LINGO2: variants seen among roughly 807,000 people sequenced by gnomAD.
LINGO2 encodes the protein leucine rich repeat and Ig domain containing 2.
Under a neutral mutation model 30.6 loss-of-function variants are expected in LINGO2, and 14 were observed. The ratio of observed to expected loss-of-function variants is 0.46; its 90% CI spans 0.30 to 0.72. LINGO2 has a LOEUF of 0.72. Among genes scored for constraint, LINGO2 ranks in the 30% least tolerant of loss-of-function variants. LINGO2 has a pLI of 0.07. For synonymous variants in LINGO2, 317 were observed against 288.5 expected, an observed-to-expected ratio of 1.10 and a Z score of -1.00; for missense variants, 729 against 751.7, an observed-to-expected ratio of 0.97 and a Z score of 0.35.
chr9:28,109,948 G>C (rs559301367), intron 4 of LINGO2, among the ~76,000 whole-genome samples: 5 of 152,034 alleles, frequency 3.3e-5, no homozygotes, highest in Non-Finnish European at 7.4e-5. Context: ...ACAATTCTAA[G>C]CATAAAGAAC....
intron 4 of LINGO2, among the ~76,000 whole-genome samples, chr9:28,139,087 C>G (rs1209991863): frequency 2.0e-5 from 3 of 152,154 alleles, no homozygotes; most frequent in Non-Finnish European, 4.4e-5. Flanking sequence ...TATCAAAAAA[C>G]TTAGAGCAGT....
At chr9:28,001,846 G>A (rs1306677463) in intron 5 of LINGO2, among the ~76,000 whole-genome samples, 2 of 152,146 alleles carry the variant, frequency 1.3e-5, no homozygotes, top group Non-Finnish European at 1.5e-5. Context: ...CAACTTCTGT[G>A]ATGCTCTAAG....
intron 2 of LINGO2, among the ~76,000 whole-genome samples, chr9:28,472,565 C>A (rs1311884167): frequency 2.0e-5 from 3 of 152,004 alleles, no homozygotes; most frequent in African/African-American, 7.2e-5. Context: ...TACAAAAAAT[C>A]GTAGACCACA....
chr9:27,963,849 C>T (rs1318434455), intron 5 of LINGO2, among the ~76,000 whole-genome samples: 2 of 151,876 alleles, frequency 1.3e-5, no homozygotes, highest in South Asian at 2.1e-4. Context: ...ATCCTGGACT[C>T]CATGAAATCA....
At chr9:28,613,420 A>G (rs1826001737) in intron 1 of LINGO2, among the ~76,000 whole-genome samples, 2 of 151,986 alleles carry the variant, frequency 1.3e-5, no homozygotes, top group African/African-American at 4.8e-5. Flanking sequence ...ATAGGTACAT[A>G]TACTACATAT....
chr9:28,644,039 G>T (rs1296549477), intron 1 of LINGO2, among the ~76,000 whole-genome samples: 1 of 152,074 alleles, frequency 6.6e-6, no homozygotes, highest in Non-Finnish European at 1.5e-5. Flanking sequence ...AATAACAAAT[G>T]CTGATGAGGA....
chr9:28,407,607 G>C (rs1564180133), intron 2 of LINGO2, among the ~76,000 whole-genome samples: 1 of 152,124 alleles, frequency 6.6e-6, no homozygotes, highest in African/African-American at 2.4e-5. Context: ...ATTTTCCTAA[G>C]GGTTTCTGCT....
the LINGO2 span, among the ~76,000 whole-genome samples, chr9:29,019,328 C>T: frequency 6.6e-6 from 1 of 152,128 alleles, no homozygotes; most frequent in Non-Finnish European, 1.5e-5. Context: ...TGCAGCCACA[C>T]ATATGTTATA....
Position 28,329,445 on chromosome 9 carries a change from G to A in LINGO2, c.-245-34079C>T, listed in dbSNP as rs530594308. 5.3e-5 allele frequency among the ~76,000 whole-genome samples: 8 copies of A among 151,892 alleles called. No individual in the cohort carries two copies. Among genetic ancestry groups the A allele is most frequent in the Admixed American group, 1.3e-4 (2 of 15,226 alleles). On this transcript the variant is annotated intron_variant, in intron 3 of 5. Coordinates refer to ENST00000379992, the Ensembl canonical transcript of LINGO2. This position sits in a 1 kb window ranked among gnomAD's most constrained non-coding sequence, Gnocchi z 4.5. The stretch of plus-strand genomic sequence containing the variant: ...GGGGCACACACCACGCTGTCTCTTC[G>A]GCCAAGTCATTATTTCTTGTCATGT...
At chr9:28,362,947 T>G (rs1441595441) in intron 3 of LINGO2, among the ~76,000 whole-genome samples, 6 of 152,306 alleles carry the variant, frequency 3.9e-5, no homozygotes, top group African/African-American at 1.4e-4. Context: ...AGTAAGAACT[T>G]AAGGGAACTG....
chr9:28,717,459 G>A, the LINGO2 span, among the ~76,000 whole-genome samples: 41 of 152,080 alleles, frequency 2.7e-4, 1 homozygote, highest in South Asian at 7.3e-3. Context: ...AGTGGAGATA[G>A]GGATGGAAAA....
intron 1 of LINGO2, among the ~76,000 whole-genome samples, chr9:28,602,773 G>A (rs1013234985): frequency 6.6e-6 from 1 of 152,002 alleles, no homozygotes; most frequent in Admixed American, 6.6e-5. Context: ...TCTCCATACA[G>A]AAGGCTGAAT....
At chr9:28,134,077 T>C (rs1827448522) in intron 4 of LINGO2, among the ~76,000 whole-genome samples, 1 of 152,192 alleles carries the variant, frequency 6.6e-6, no homozygotes, top group South Asian at 2.1e-4. Context: ...CACTAATTTC[T>C]ATCCACTCTA....
At chr9:28,447,324 G>T (rs1007968351) in intron 2 of LINGO2, among the ~76,000 whole-genome samples, 3 of 152,130 alleles carry the variant, frequency 2.0e-5, no homozygotes, top group African/African-American at 7.2e-5. Context: ...GGAATTAGTT[G>T]CTTGTAAAAC....
At chr9:28,253,605 AAGTCTTTTC>A (rs1301223125) in intron 4 of LINGO2, among the ~76,000 whole-genome samples, 1 of 152,130 alleles carries the variant, frequency 6.6e-6, no homozygotes, top group African/African-American at 2.4e-5. Context: ...AAATGAAAAA[AAGTCTTTTC>A]TCAGATTTGA....
At chr9:28,325,018 T>C (rs1166301017) in intron 3 of LINGO2, among the ~76,000 whole-genome samples, 1 of 151,922 alleles carries the variant, frequency 6.6e-6, no homozygotes, top group East Asian at 1.9e-4. Flanking sequence ...TTAACTTCTC[T>C]CTTCCACGTA....
chr9:28,144,937 T>C (rs1827772321), intron 4 of LINGO2, among the ~76,000 whole-genome samples: 1 of 152,198 alleles, frequency 6.6e-6, no homozygotes, highest in Non-Finnish European at 1.5e-5. Context: ...GGTGGATATT[T>C]TGCAGTGGAA....
chr9:28,780,680 G>C, the LINGO2 span, among the ~76,000 whole-genome samples: 2 of 152,024 alleles, frequency 1.3e-5, no homozygotes, highest in African/African-American at 4.8e-5. Flanking sequence ...TTACTTTTAA[G>C]GGAATTAGAT....
chr9:28,552,495 T>G (rs1234661777), intron 1 of LINGO2, among the ~76,000 whole-genome samples: 1 of 152,206 alleles, frequency 6.6e-6, no homozygotes, highest in East Asian at 1.9e-4. Flanking sequence ...AAAGCTTAAA[T>G]ATTTCCTTTC....
Sources: gnomAD v4.1 joint callset for allele counts (sites outside exome capture counted in the v4.1 genomes callset) on GRCh38, gnomAD v4.1.1 for gene constraint, Gnocchi (gnomAD v3.1) non-coding constraint, MANE v1.5 for transcripts, NCBI Gene and HGNC (gene_info 2026-07-23, HGNC 2026-07-21) for gene names.